RARB: variants seen among roughly 807,000 people sequenced by gnomAD.
The protein encoded by RARB is retinoic acid receptor beta.
RARB carries 17 observed loss-of-function variants against 51.9 expected under a neutral mutation model. The ratio of observed to expected loss-of-function variants is 0.33; its 90% CI spans 0.22 to 0.49. RARB has a LOEUF of 0.49. Among genes scored for constraint, RARB ranks in the 20% least tolerant of loss-of-function variants. The pLI, the probability that RARB is intolerant of heterozygous loss-of-function variation, is 0.99. For missense variants in RARB, 369 were observed against 550.8 expected (o/e 0.67, Z 3.30); for synonymous variants, 215 against 195.4 (o/e 1.10, Z -0.84).
intron 4 of RARB, among the ~76,000 whole-genome samples, chr3:25,168,920 TC>T (rs1368862112): frequency 6.6e-6 from 1 of 152,136 alleles, no homozygotes; most frequent in Admixed American, 6.5e-5. Flanking sequence ...GGGAAAGGGA[TC>T]CTTGAGATTA....
At chr3:25,192,178 G>C (rs1343651647) in intron 5 of RARB, among the ~76,000 whole-genome samples, 1 of 152,020 alleles carries the variant, frequency 6.6e-6, no homozygotes, top group East Asian at 1.9e-4. Context: ...AACCTTGTTG[G>C]TATGATTCTC....
intron 5 of RARB, among the ~76,000 whole-genome samples, chr3:25,263,013 T>C (rs1703043198): frequency 6.6e-6 from 1 of 152,162 alleles, no homozygotes; most frequent in East Asian, 1.9e-4. Context: ...TTCTATAATA[T>C]AGGTAATTCA....
At chr3:24,871,753 C>A (rs1230017160) in intron 2 of RARB, among the ~76,000 whole-genome samples, 1 of 152,158 alleles carries the variant, frequency 6.6e-6, no homozygotes, top group African/African-American at 2.4e-5. Context: ...ACACCCCAGA[C>A]CTGCACCATG....
At chr3:25,530,934 G>A (rs142124090) in intron 3 of RARB, among the ~76,000 whole-genome samples, 10 of 152,248 alleles carry the variant, frequency 6.6e-5, no homozygotes, top group Admixed American at 1.3e-4. Context: ...ATGGACTTAC[G>A]TTTTAACTTT....
chr3:25,159,225 G>A (rs28668494), intron 4 of RARB, among the ~76,000 whole-genome samples: 8,255 of 137,368 alleles, frequency 0.06, 694 homozygotes, highest in African/African-American at 0.19. Flanking sequence ...GTGCAATGGC[G>A]CGATCTCGGC....
intron 2 of RARB, among the ~76,000 whole-genome samples, chr3:24,937,302 G>A (rs1232871232): frequency 2.6e-5 from 4 of 151,992 alleles, no homozygotes; most frequent in Non-Finnish European, 4.4e-5. Flanking sequence ...TAGAGAATTC[G>A]CTTCTATGTG....
intron 2 of RARB, among the ~76,000 whole-genome samples, chr3:24,904,498 A>T (rs997772106): frequency 6.6e-6 from 1 of 152,232 alleles, no homozygotes; most frequent in African/African-American, 2.4e-5. Context: ...CGATCATTAA[A>T]AAGTCAGGAA....
chr3:25,201,104 C>A (rs1318432486), intron 5 of RARB, among the ~76,000 whole-genome samples: 1 of 151,056 alleles, frequency 6.6e-6, no homozygotes, highest in Admixed American at 6.6e-5. Flanking sequence ...TGTTTGTGTC[C>A]TTGAACAGTC....
At chr3:25,157,871 C>T (rs1329777801) in intron 4 of RARB, among the ~76,000 whole-genome samples, 4 of 152,204 alleles carry the variant, frequency 2.6e-5, no homozygotes, top group Admixed American at 6.5e-5. Flanking sequence ...TTTATTTGCA[C>T]GGTGTGAATT....
chr3:25,212,589 G>A (rs1456615527), intron 5 of RARB, among the ~76,000 whole-genome samples: 2 of 152,312 alleles, frequency 1.3e-5, no homozygotes, highest in Non-Finnish European at 2.9e-5. Flanking sequence ...CTGCACTCCA[G>A]CCTGGCAACA....
At chr3:25,145,441 T>G (rs569178837) in intron 4 of RARB, among the ~76,000 whole-genome samples, 19 of 152,312 alleles carry the variant, frequency 1.2e-4, no homozygotes, top group Non-Finnish European at 2.5e-4. Context: ...GTCTGGGAAC[T>G]TTGAGTGATT....
At chr3:25,212,139 G>A (rs574848929) in intron 5 of RARB, among the ~76,000 whole-genome samples, 3 of 152,048 alleles carry the variant, frequency 2.0e-5, no homozygotes, top group African/African-American at 7.2e-5. Flanking sequence ...AACCAGCAAT[G>A]GGTTGTGATT....
intron 2 of RARB, among the ~76,000 whole-genome samples, chr3:25,003,012 G>A (rs1318561163): frequency 1.3e-5 from 2 of 151,944 alleles, no homozygotes; most frequent in African/African-American, 2.4e-5. Flanking sequence ...TATTTGAAGA[G>A]GTGCAATATA....
At chr3:25,224,454 A>G (rs1702011130) in intron 5 of RARB, among the ~76,000 whole-genome samples, 1 of 152,190 alleles carries the variant, frequency 6.6e-6, no homozygotes, top group Admixed American at 6.5e-5. Flanking sequence ...ACCAAGCCTC[A>G]AGTCTCCTGG....
At chr3:25,357,477 T>G (rs894451340) in intron 5 of RARB, among the ~76,000 whole-genome samples, 3 of 152,232 alleles carry the variant, frequency 2.0e-5, no homozygotes, top group African/African-American at 4.8e-5. Context: ...TTCACTCTGA[T>G]GATAGTTTCT....
At chr3:25,017,209 C>CT (rs764666213) in intron 2 of RARB, among the ~76,000 whole-genome samples, 1 of 144,146 alleles carries the variant, frequency 6.9e-6, no homozygotes, top group South Asian at 2.1e-4. Flanking sequence ...AATTAACTAG[C>CT]TTTCCCCCCC....
chr3:25,558,356 T>C (rs1044680601), intron 3 of RARB, among the ~76,000 whole-genome samples: 35 of 152,206 alleles, frequency 2.3e-4, no homozygotes, highest in African/African-American at 8.4e-4. Flanking sequence ...TCATTCTTTC[T>C]GACTGGCGGC....
At chr3:25,325,034 A>G (rs918783029) in intron 5 of RARB, among the ~76,000 whole-genome samples, 1 of 152,230 alleles carries the variant, frequency 6.6e-6, no homozygotes. Context: ...TGGCTACTCC[A>G]TAGGCAGAGC....
chr3:24,942,705 G>T (rs1366450593), intron 2 of RARB, among the ~76,000 whole-genome samples: 16 of 152,064 alleles, frequency 1.1e-4, no homozygotes, highest in Admixed American at 1.0e-3. Context: ...GCACTATGTT[G>T]CCTGGCACAT....
Sources: allele counts gnomAD v4.1 joint callset (sites outside exome capture counted in the v4.1 genomes callset), GRCh38; gene constraint gnomAD v4.1.1; transcripts MANE v1.5; gene names NCBI Gene and HGNC (gene_info 2026-07-23, HGNC 2026-07-21).